The following NRG3 variants were observed in gnomAD, a reference collection of about 807,000 sequenced individuals.
NRG3 encodes neuregulin 3.
NRG3 carries 31 observed loss-of-function variants against 66.9 expected under a neutral mutation model. The ratio of observed to expected loss-of-function variants is 0.46; its 90% confidence interval spans 0.35 to 0.63. The LOEUF (loss-of-function observed/expected upper bound fraction) is 0.63, where lower values mean the gene tolerates loss of function less well. Among genes scored for constraint, NRG3 ranks in the 20% least tolerant of loss-of-function variants. NRG3 has a pLI of 0.00. For missense variants in NRG3, 910 were observed against 878.9 expected, an observed-to-expected ratio of 1.04 and a Z score of -0.45; for synonymous variants, 393 against 359.4, an observed-to-expected ratio of 1.09 and a Z score of -1.06.
chr10:82,064,692 C>G (rs889405565), intron 1 of NRG3, among the ~76,000 whole-genome samples: 1 of 152,056 alleles, frequency 6.6e-6, no homozygotes, highest in Non-Finnish European at 1.5e-5. Flanking sequence ...AAGAGAATGC[C>G]CCAAAAGTTC....
rs376500438 is a variant in NRG3 at position 82,488,435 on chromosome 10, T to G, written c.953+129567T>G. Among the ~76,000 whole-genome samples, 19 of 152,356 alleles carry G rather than the reference T, an allele frequency of 1.2e-4. No individual in the cohort carries two copies. In the East Asian group the frequency reaches 3.7e-3, roughly 29 times the overall value. On this transcript the variant is annotated intron_variant, in intron 2 of 8. Coordinates refer to ENST00000372141, the MANE Select transcript of NRG3 (RefSeq NM_001010848.4). ...TTTAAATAAATACAAAATAACTTAC[T>G]TTGATTAAATCTGGACTACATTGAG...
At chr10:82,504,113 C>T (rs1227314376) in intron 2 of NRG3, among the ~76,000 whole-genome samples, 1 of 152,140 alleles carries the variant, frequency 6.6e-6, no homozygotes, top group African/African-American at 2.4e-5. Flanking sequence ...ATAGTAAGCT[C>T]TTGTCTGTGG....
intron 3 of NRG3, among the ~76,000 whole-genome samples, chr10:82,806,164 G>T (rs905030851): frequency 6.6e-6 from 1 of 152,138 alleles, no homozygotes; most frequent in Non-Finnish European, 1.5e-5. Flanking sequence ...TGACACCTCA[G>T]GGAAACATCA....
At chr10:82,510,806 T>C (rs916808359) in intron 2 of NRG3, among the ~76,000 whole-genome samples, 3 of 152,128 alleles carry the variant, frequency 2.0e-5, no homozygotes, top group Non-Finnish European at 4.4e-5. Context: ...ATCCAGGCAA[T>C]GCATCCCATT....
intron 1 of NRG3, among the ~76,000 whole-genome samples, chr10:82,094,199 A>G (rs1456726342): frequency 1.3e-5 from 2 of 152,198 alleles, no homozygotes; most frequent in South Asian, 2.1e-4. Context: ...TTAGAAGTAT[A>G]TTATCTTTTT....
At chr10:82,235,117 AG>A (rs1476848913) in intron 1 of NRG3, among the ~76,000 whole-genome samples, 1 of 152,250 alleles carries the variant, frequency 6.6e-6, no homozygotes, top group Non-Finnish European at 1.5e-5. Flanking sequence ...AGACTAGGGC[AG>A]GGGTTGGCCA....
chr10:82,902,979 T>G (rs1216932818), intron 4 of NRG3, among the ~76,000 whole-genome samples: 3 of 152,128 alleles, frequency 2.0e-5, no homozygotes, highest in Non-Finnish European at 4.4e-5. Context: ...TAAGGAAAAG[T>G]TAGGCATGTC....
At chr10:82,367,135 C>T (rs2084585638) in intron 2 of NRG3, among the ~76,000 whole-genome samples, 1 of 152,098 alleles carries the variant, frequency 6.6e-6, no homozygotes, top group Non-Finnish European at 1.5e-5. Flanking sequence ...ATGTCATACA[C>T]ACACGGAGAC....
At chr10:82,559,887 A>G (rs1307755325) in intron 2 of NRG3, among the ~76,000 whole-genome samples, 1 of 152,124 alleles carries the variant, frequency 6.6e-6, no homozygotes, top group Non-Finnish European at 1.5e-5. Context: ...AATTCTCTTG[A>G]GGCCTAAATA....
chr10:82,157,463 C>G (rs1486857482), intron 1 of NRG3, among the ~76,000 whole-genome samples: 2 of 151,684 alleles, frequency 1.3e-5, no homozygotes, highest in African/African-American at 2.4e-5. Flanking sequence ...GTATCTCCTC[C>G]TATGTCAAGG....
intron 1 of NRG3, among the ~76,000 whole-genome samples, chr10:82,026,173 G>T (rs1340176154): frequency 6.6e-6 from 1 of 151,970 alleles, no homozygotes; most frequent in African/African-American, 2.4e-5. Context: ...CTAGCTTTAA[G>T]ATCTCTGCTG....
chr10:82,289,974 T>C (rs745772354), intron 1 of NRG3, among the ~76,000 whole-genome samples: 7 of 152,196 alleles, frequency 4.6e-5, no homozygotes, highest in Non-Finnish European at 8.8e-5. Flanking sequence ...TGACTATATT[T>C]TGACATTTTC....
At chr10:82,469,999 C>T (rs923366987) in intron 2 of NRG3, among the ~76,000 whole-genome samples, 3 of 152,100 alleles carry the variant, frequency 2.0e-5, no homozygotes, top group African/African-American at 2.4e-5. Context: ...AAAAACTTGC[C>T]GTGTTTCTAC....
At chr10:82,582,555 A>G (rs1006586016) in intron 2 of NRG3, among the ~76,000 whole-genome samples, 45 of 152,110 alleles carry the variant, frequency 3.0e-4, no homozygotes, top group African/African-American at 8.9e-4. Flanking sequence ...CAGGTTTGTA[A>G]CAATTTCATC....
intron 2 of NRG3, among the ~76,000 whole-genome samples, chr10:82,575,563 T>G (rs192081446): frequency 1.3e-5 from 2 of 151,808 alleles, no homozygotes; most frequent in East Asian, 3.9e-4. Flanking sequence ...AGGAGTGACG[T>G]GATCAGATTT....
intron 1 of NRG3, among the ~76,000 whole-genome samples, chr10:82,218,921 G>A (rs1274849128): frequency 6.6e-6 from 1 of 152,054 alleles, no homozygotes; most frequent in Non-Finnish European, 1.5e-5. Context: ...GGCTTGCATT[G>A]CAGAGAATGG....
Position 82,978,985 on chromosome 10 carries a change from G to T in NRG3, c.1448G>T (p.Ser483Ile), listed in dbSNP as rs970087776. 1.9e-6 allele frequency: 3 copies of T among 1,613,898 alleles called. No individual in the cohort carries two copies. The highest frequency in any genetic ancestry group is 2.7e-5 in the African/African-American group (2 of 74,920). Reference sequence around the variant, plus strand: ...TCTTGCTGCAGCCCAGGGCAAAGAAGTGGCATGCTCCATAGGAATGCCTTC... The same window carrying T: ...TCTTGCTGCAGCCCAGGGCAAAGAATTGGCATGCTCCATAGGAATGCCTTC... ...LSSCCSPGQR[S>I]GMLHRNAFRR... Residue 483 changes from serine to isoleucine, a missense_variant, in exon 8 of 9, where the codon AGT (serine) becomes ATT (isoleucine). Coordinates refer to ENST00000372141, the MANE Select transcript of NRG3 (RefSeq NM_001010848.4).
At chr10:82,723,745 C>T (rs1171414824) in intron 2 of NRG3, among the ~76,000 whole-genome samples, 2 of 151,820 alleles carry the variant, frequency 1.3e-5, no homozygotes, top group African/African-American at 2.4e-5. Flanking sequence ...TTTGGGAGGC[C>T]GAGGTGGGCA....
At chr10:82,732,220 CTT>C (rs1297746614) in intron 2 of NRG3, among the ~76,000 whole-genome samples, 1 of 152,110 alleles carries the variant, frequency 6.6e-6, no homozygotes, top group Non-Finnish European at 1.5e-5. Flanking sequence ...TGATGAGTGT[CTT>C]TTAAATTATA....
Sources: allele counts gnomAD v4.1 joint callset (sites outside exome capture counted in the v4.1 genomes callset), GRCh38; gene constraint gnomAD v4.1.1; transcripts MANE v1.5; gene names NCBI Gene and HGNC (gene_info 2026-07-23, HGNC 2026-07-21).